The following NEBL variants were observed in gnomAD, a reference collection of about 807,000 sequenced individuals.
NEBL encodes the protein LIM and SH3 protein 2.
A neutral mutation model predicts 140.2 loss-of-function variants in NEBL; 122 were observed. That is an observed-to-expected ratio of 0.87 (90% CI 0.75 to 1.01). NEBL has a LOEUF of 1.01. Among genes scored for constraint, NEBL ranks in the 50% least tolerant of loss-of-function variants. The pLI, the probability that NEBL is intolerant of heterozygous loss-of-function variation, is 0.00. For missense variants in NEBL, 1,365 were observed against 1,231.3 expected (o/e 1.11, Z -1.62); for synonymous variants, 436 against 398.9 (o/e 1.09, Z -1.11).
At chr10:21,195,449 A>T (rs1841634144) in intron 3 of NEBL, among the ~76,000 whole-genome samples, 1 of 152,224 alleles carries the variant, frequency 6.6e-6, no homozygotes, top group Admixed American at 6.5e-5. Flanking sequence ...TATTCTAGTA[A>T]TTAAATTGAC....
intron 3 of NEBL, among the ~76,000 whole-genome samples, chr10:21,189,904 G>A (rs764444756): frequency 1.3e-5 from 2 of 152,102 alleles, no homozygotes; most frequent in African/African-American, 2.4e-5. Context: ...ATCCTTCTGG[G>A]CATCACAGCA....
intron 4 of NEBL, among the ~76,000 whole-genome samples, chr10:20,932,637 G>T (rs954996001): frequency 6.6e-6 from 1 of 152,202 alleles, no homozygotes; most frequent in Non-Finnish European, 1.5e-5. Flanking sequence ...GCTGAAAACT[G>T]CTACACATTC....
chr10:21,013,704 C>T (rs984241980), intron 3 of NEBL, among the ~76,000 whole-genome samples: 2 of 152,108 alleles, frequency 1.3e-5, no homozygotes, highest in Non-Finnish European at 2.9e-5. Context: ...ATGGTGAATC[C>T]CCATCTCTAC....
chr10:20,919,002 G>A (rs1833448587), intron 4 of NEBL, among the ~76,000 whole-genome samples: 1 of 152,124 alleles, frequency 6.6e-6, no homozygotes, highest in Non-Finnish European at 1.5e-5. Context: ...CTGGAGGTCA[G>A]TAGTAGAATT....
At chr10:20,843,232 G>A (rs1841561880) in intron 12 of NEBL, among the ~76,000 whole-genome samples, 1 of 152,054 alleles carries the variant, frequency 6.6e-6, no homozygotes. Flanking sequence ...AAGCCGGTAA[G>A]AGGGCCCTCG....
intron 3 of NEBL, among the ~76,000 whole-genome samples, chr10:20,987,369 T>C (rs1837296232): frequency 1.3e-5 from 2 of 152,186 alleles, no homozygotes; most frequent in Admixed American, 1.3e-4. Flanking sequence ...CCCTGCTCTT[T>C]TGATATACAT....
At position 21,215,443 on chromosome 10, in the gene NEBL, A is replaced by G. The variant is rs115773086; in HGVS notation, n.348+32478T>C. Among the ~76,000 whole-genome samples, 1,475 of 152,340 alleles carry G rather than the reference A, an allele frequency of 9.7e-3. 28 individuals carry two copies. Among genetic ancestry groups the G allele is most frequent in the African/African-American group, 0.034 (1,415 of 41,576 alleles). On this transcript the variant is annotated intron_variant and non_coding_transcript_variant, in intron 3 of 8. Transcript: ENST00000675702. The stretch of plus-strand genomic sequence containing the variant: ...TTCTCTGTAGCATCTGTATTCAGGG[A>G]GCAAATTAAGCAAAACAATACAAAC...
intron 26 of NEBL, among the ~76,000 whole-genome samples, chr10:20,793,657 G>A (rs1217011594): frequency 3.3e-5 from 5 of 151,262 alleles, no homozygotes; most frequent in African/African-American, 4.9e-5. Flanking sequence ...AGGCTCAAGC[G>A]ATCCTCCCAC....
intron 5 of NEBL, among the ~76,000 whole-genome samples, chr10:20,872,717 C>G (rs1324038906): frequency 6.6e-6 from 1 of 152,144 alleles, no homozygotes; most frequent in Non-Finnish European, 1.5e-5. Flanking sequence ...AAGAAGCCAG[C>G]TAAAACCCAC....
At chr10:20,936,504 C>G (rs118162870) in intron 4 of NEBL, among the ~76,000 whole-genome samples, 1,664 of 152,296 alleles carry the variant, frequency 0.011, 21 homozygotes, top group Non-Finnish European at 0.013. Flanking sequence ...TCTTTTCTGT[C>G]CTGAATCACA....
chr10:21,149,120 C>T (rs879411519), intron 2 of NEBL, among the ~76,000 whole-genome samples: 9 of 152,156 alleles, frequency 5.9e-5, no homozygotes, highest in East Asian at 3.9e-4. Context: ...TGGGTGTCCA[C>T]GCTTCAATCA....
chr10:21,000,943 G>A (rs531754136), intron 3 of NEBL, among the ~76,000 whole-genome samples: 1 of 152,292 alleles, frequency 6.6e-6, no homozygotes, highest in African/African-American at 2.4e-5. Context: ...GATAGAGCTG[G>A]AGAGCTGGTC....
rs12220994 is a variant in NEBL at position 21,023,393 on chromosome 10, C to T, written c.165-3192G>A. Among the ~76,000 whole-genome samples, 15 of 152,208 alleles carry T rather than the reference C, an allele frequency of 9.9e-5. No individual in the cohort carries two copies. The East Asian group carries it at 2.1e-3, about 22-fold the overall frequency. The stretch of plus-strand genomic sequence containing the variant: ...GGGAACAACCTTCTTCTGCCATTTA[C>T]CTTTAATTTAAAATTCTGGGCCAGG... On this transcript the variant is annotated intron_variant, in intron 2 of 6. Transcript: ENST00000417816.
chr10:21,272,404 C>A (rs1394308463), intron 1 of NEBL, among the ~76,000 whole-genome samples: 2 of 151,984 alleles, frequency 1.3e-5, no homozygotes, highest in Non-Finnish European at 2.9e-5. Context: ...GGCAAAATAG[C>A]AAGATCCTGT....
chr10:21,136,784 T>C (rs778986806), intron 2 of NEBL, among the ~76,000 whole-genome samples: 5 of 152,208 alleles, frequency 3.3e-5, no homozygotes, highest in Non-Finnish European at 7.3e-5. Flanking sequence ...ACACAGTACA[T>C]TGCAGTTTGC....
chr10:20,816,760 T>C (rs1254414010), intron 21 of NEBL, among the ~76,000 whole-genome samples: 2 of 152,170 alleles, frequency 1.3e-5, no homozygotes, highest in Admixed American at 6.5e-5. Flanking sequence ...CAACAGGGAA[T>C]CGGAGCAGGC....
At chr10:21,203,943 C>A (rs561934771) in intron 3 of NEBL, among the ~76,000 whole-genome samples, 1 of 152,122 alleles carries the variant, frequency 6.6e-6, no homozygotes, top group African/African-American at 2.4e-5. Flanking sequence ...CTTTCCCTGA[C>A]GTCAACAGCA....
rs1011011550 is a variant in NEBL at position 20,826,434 on chromosome 10, G to A, written c.1869+13C>T. 4 of 1,588,278 alleles carry A rather than the reference G, an allele frequency of 2.5e-6. No individual in the cohort carries two copies. In the African/African-American group the frequency reaches 4.0e-5, roughly 16 times the overall value. On this transcript the variant is annotated intron_variant, in intron 18 of 27. Coordinates refer to ENST00000377122, the MANE Select transcript of NEBL (RefSeq NM_006393.3). ...GCTTTTAGAAAAGATAATTAATGCTGTAGAGAACTTACTGAACTAATATTC... is the reference window on the plus strand; with the variant it reads ...GCTTTTAGAAAAGATAATTAATGCTATAGAGAACTTACTGAACTAATATTC...
intron 2 of NEBL, among the ~76,000 whole-genome samples, chr10:21,049,417 A>C (rs540110925): frequency 2.6e-5 from 4 of 152,102 alleles, no homozygotes; most frequent in Non-Finnish European, 5.9e-5. Context: ...TAGCAAAATT[A>C]TTTATTCTAA....
Sources: allele counts gnomAD v4.1 joint callset (sites outside exome capture counted in the v4.1 genomes callset), GRCh38; gene constraint gnomAD v4.1.1; transcripts MANE v1.5; gene names NCBI Gene and HGNC (gene_info 2026-07-23, HGNC 2026-07-21).